The following CCDC24 variants were observed in gnomAD, a reference collection of about 807,000 sequenced individuals.
CCDC24 encodes the protein coiled-coil domain containing 24, also known as coiled-coil domain-containing protein 24.
Under a neutral mutation model 31.6 loss-of-function variants are expected in CCDC24, and 34 were observed. The ratio of observed to expected loss-of-function variants is 1.08; its 90% CI spans 0.82 to 1.43. CCDC24 has a LOEUF of 1.43. CCDC24 is among the 40% of genes most tolerant of loss of function. The pLI is 0.00. For missense variants in CCDC24, 426 were observed against 391.1 expected, an observed-to-expected ratio of 1.09 and a Z score of -0.75; for synonymous variants, 175 against 157.3, an observed-to-expected ratio of 1.11 and a Z score of -0.84.
rs777995079 is a variant in CCDC24 at position 43,991,843 on chromosome 1, G to T, written c.-32-4G>T. 13 of 1,546,614 alleles carry T rather than the reference G, an allele frequency of 8.4e-6. 1 individual carries two copies. The South Asian group carries it at 1.5e-4, about 18-fold the overall frequency. ...CCTCCCGCACTCTGACCTGCGGCCC[G>T]TAGGTCCGAGCCGGGGACGGCGGCG... On this transcript the variant is annotated splice_polypyrimidine_tract_variant and splice_region_variant and intron_variant, in intron 1 of 8. Transcript: ENST00000372318.
chr1:43,992,140 C>T (rs747783447), intron 2 of CCDC24, 72 bp from the exon 3 acceptor site: 7 of 1,526,950 alleles, frequency 4.6e-6, no homozygotes, highest in South Asian at 3.7e-5. Flanking sequence ...CGCCCTCTCC[C>T]TCACTCCCCC....
At position 43,996,153 on chromosome 1, in the gene CCDC24, CAG is replaced by C; in HGVS notation, c.918_919del (p.Ala307LeufsTer63). On this transcript the variant is annotated frameshift_variant, in exon 9 of 9. Coordinates refer to ENST00000372318, the MANE Select transcript of CCDC24 (RefSeq NM_152499.4). LOFTEE classifies it high-confidence loss of function. ...ATGTCCAGTGCAGCACCCCAAGCCC[CAG>C]CCTGAAGGGCTGGTCACCGAGTAGG... 1 of 1,583,770 alleles carries C rather than the reference CAG, an allele frequency of 6.3e-7. No homozygotes were observed. The highest frequency in any genetic ancestry group is 8.6e-7 in the Non-Finnish European group (1 of 1,163,892).
chr1:43,995,365 C>A lies in CCDC24; in HGVS notation c.552+203C>A, dbSNP rs2085821361. ...TCTAGTTGAGCCCTTAAGGCCAGGG[C>A]CAACCGTTTTAGGTCTTTTGCCTCC... On this transcript the variant is annotated intron_variant, in intron 6 of 8. Transcript: ENST00000372318. This position sits in a 1 kb window ranked among gnomAD's most constrained non-coding sequence, Gnocchi z 4.3. The A allele has an allele frequency of 1.4e-6, 1 of 718,020 alleles. No individual in the cohort carries two copies. The highest frequency in any genetic ancestry group is 1.8e-5 in the African/African-American group (1 of 56,364). 44.5% of individuals were successfully genotyped at this position (718,020 alleles called of 1,614,324 possible).
At position 43,991,734 on chromosome 1, in the gene CCDC24, C is replaced by A. The variant is rs1228705237; in HGVS notation, c.-45C>A. The A allele has an allele frequency of 2.8e-6, 3 of 1,066,320 alleles. No individual in the cohort carries two copies. Among genetic ancestry groups the A allele is most frequent in the South Asian group, 2.7e-5 (2 of 74,806 alleles). 66.1% of individuals were successfully genotyped at this position (1,066,320 alleles called of 1,614,324 possible). ...GGGCAATCCCAGCCGAGGGGACCAG[C>A]GGCAGAGCACGGGTGGGGCTTGGGA... is the stretch of plus-strand genomic sequence containing the variant. On this transcript the variant is annotated 5_prime_UTR_variant, in exon 1 of 9. Coordinates refer to ENST00000372318, the MANE Select transcript of CCDC24 (RefSeq NM_152499.4).
At chr1:43,994,806 G>T (rs1440155727) in intron 5 of CCDC24, 1 of 463,120 alleles carries the variant, frequency 2.2e-6, no homozygotes, top group African/African-American at 1.9e-5. Context: ...TTAAGCAGCG[G>T]AAGGGCTGTG....
Position 43,995,965 on chromosome 1 carries a change from G to A in CCDC24, c.729G>A (p.Gln243=), listed in dbSNP as rs779039177. 5 of 1,614,164 alleles carry A rather than the reference G, an allele frequency of 3.1e-6. 1 individual carries two copies. Among genetic ancestry groups the A allele is most frequent in the South Asian group, 1.1e-5 (1 of 91,082 alleles). The change falls in exon 9 of 9, where the codon CAG becomes CAA. Residue 243 remains glutamine (Q), a synonymous_variant. Coordinates refer to ENST00000372318, the MANE Select transcript of CCDC24 (RefSeq NM_152499.4). The surrounding 1 kb of genome is among the most constrained non-coding windows in gnomAD (Gnocchi z 4.3). ...HRQRPLGSST[Q]GLRPPLPLCG... is the part of the protein sequence containing the mutation. ...AGCGGCCCTTGGGGTCCTCCACACA[G>A]GGCCTCAGACCCCCGCTTCCCCTCT... is the stretch of plus-strand genomic sequence containing the variant.
In CCDC24 at chr1:43,992,260, C is replaced by T. The variant is rs754877230; in HGVS notation, c.175C>T (p.Pro59Ser). Reference protein sequence around the residue: ...LLQEARSSQAPSSRPISDPSS... With the variant: ...LLQEARSSQASSSRPISDPSS... ...CCAAGAGGCTCGATCCTCTCAAGCC[C>T]CCAGCTCCCGCCCCATCTCTGACCC... Residue 59 changes from proline (P) to serine (S), a missense_variant, in exon 3 of 9, where the codon CCC becomes TCC. By Grantham distance (74) the Pro-to-Ser change is moderately conservative. Transcript: ENST00000372318. The T allele has an allele frequency of 5.0e-6, 8 of 1,613,990 alleles. No homozygotes were observed. Among genetic ancestry groups the T allele is most frequent in the Non-Finnish European group, 6.8e-6 (8 of 1,180,010 alleles).
rs202176299 is a variant in CCDC24 at position 43,992,044 on chromosome 1, C to G, written c.126+40C>G. On this transcript the variant is annotated intron_variant, in intron 2 of 8. Transcript: ENST00000372318. ...GGTGGGCCACGCCCCTGGCCTGCCC[C>G]ACGACTCGGGTGATTTCCCACCTCT... 5.5e-6 allele frequency: 8 copies of G among 1,456,072 alleles called. No homozygotes were observed. In the East Asian group the frequency reaches 2.0e-4, roughly 37 times the overall value. 90.2% of individuals were successfully genotyped at this position (1,456,072 alleles called of 1,614,324 possible).
rs1256304809 is a variant in CCDC24, at chr1:43,996,081, G to T, written c.845G>T (p.Gly282Val). 6.2e-7 allele frequency: 1 copy of T among 1,614,070 alleles called. No individual in the cohort carries two copies. The highest frequency in any genetic ancestry group is 2.2e-5 in the East Asian group (1 of 44,882). ...PRGQSATHRWGRQLQCSPREG... is the reference protein window; with the variant it reads ...PRGQSATHRWVRQLQCSPREG... ...GGCCAGTCGGCTACCCACCGCTGGG[G>T]ACGGCAGCTTCAGTGCAGCCCCAGG... Residue 282 changes from glycine to valine, a missense_variant, in exon 9 of 9, where the codon GGA (glycine) becomes GTA (valine). By Grantham distance (109) the Gly-to-Val change is moderately radical (BLOSUM62 -3). Coordinates refer to ENST00000372318, the MANE Select transcript of CCDC24 (RefSeq NM_152499.4).
intron 2 of CCDC24, 34 bp from the exon 3 acceptor site, chr1:43,992,178 C>T (rs762098509): frequency 1.3e-6 from 2 of 1,589,682 alleles, no homozygotes; most frequent in South Asian, 2.3e-5. Flanking sequence ...ACACTCCCCT[C>T]CCCAGTCGCA....
At chr1:43,992,430 G>A (rs371553599) in intron 3 of CCDC24, 43 bp downstream of exon 3, 22 of 1,612,872 alleles carry the variant, frequency 1.4e-5, no homozygotes, top group Non-Finnish European at 1.9e-5. Context: ...ATACCAGGTG[G>A]GCTAGCGCTG....
chr1:43,996,120 CCACACCCATGTCCAGTGCAG>C lies in CCDC24; in HGVS notation c.888_907del (p.Met298SerfsTer66). The C allele has an allele frequency of 6.2e-7, 1 of 1,612,504 alleles. No individual in the cohort carries two copies. Among genetic ancestry groups the C allele is most frequent in the African/African-American group, 1.3e-5 (1 of 75,052 alleles). ...TGCAGCCCCAGGGAAGGGCCAGCTT[CCACACCCATGTCCAGTGCAG>C]CACCCCAAGCCCCAGCCTGAAGGGC... On this transcript the variant is annotated frameshift_variant, in exon 9 of 9. Coordinates refer to ENST00000372318, the MANE Select transcript of CCDC24 (RefSeq NM_152499.4). LOFTEE classifies it high-confidence loss of function.
Position 43,993,285 on chromosome 1 carries a change from G to GAAAA in CCDC24, c.420-595_420-592dup, listed in dbSNP as rs34298087. ...GGGAGACCCCATCTTTACAAAAAGT[G>GAAAA]AAAAAAAAAATAGTCAGGTGAGGTG... On this transcript the variant is annotated intron_variant, in intron 4 of 8. Transcript: ENST00000372318. Among the ~76,000 whole-genome samples the GAAAA allele has an allele frequency of 4.7e-5, 7 of 148,682 alleles. 1 individual carries two copies. The highest frequency in any genetic ancestry group is 3.3e-4 in the Admixed American group (5 of 15,046).
intron 5 of CCDC24, 104 bp downstream of exon 5, chr1:43,994,068 G>A: frequency 9.7e-7 from 1 of 1,033,566 alleles, no homozygotes; most frequent in Non-Finnish European, 1.5e-6. Context: ...ATACTTGGCG[G>A]GGAGGCCCAT....
intron 5 of CCDC24, chr1:43,994,168 G>A (rs115519287): frequency 0.013 from 7,319 of 563,908 alleles, 66 homozygotes; most frequent in Middle Eastern, 0.017. Flanking sequence ...TGCCACGGCC[G>A]AGCATGATGG....
chr1:43,992,598 G>A lies in CCDC24; in HGVS notation c.378G>A (p.Leu126=), dbSNP rs762660047. 1.2e-6 allele frequency: 2 copies of A among 1,614,222 alleles called. No homozygotes were observed. The highest frequency in any genetic ancestry group is 1.7e-5 in the Admixed American group (1 of 60,030). The change falls in exon 4 of 9, where the codon TTG becomes TTA. Residue 126 remains leucine (L), a synonymous_variant. Transcript: ENST00000372318. ...CCTTGGAGGAGCCCAGGTGTGATTT[G>A]CCAGAACAGGAGATATTCCAGATGA... ...HFALEEPRCD[L]PEQEIFQMRG...
At chr1:43,993,312 C>T (rs576585780) in intron 4 of CCDC24, among the ~76,000 whole-genome samples, 112 of 150,072 alleles carry the variant, frequency 7.5e-4, no homozygotes, top group Admixed American at 1.3e-3. Flanking sequence ...GGTGAGGTGG[C>T]GCATGCCTGT....
intron 2 of CCDC24, 80 bp from the exon 3 acceptor site, chr1:43,992,132 C>A: frequency 6.6e-7 from 1 of 1,517,620 alleles, no homozygotes; most frequent in Non-Finnish European, 8.9e-7. Flanking sequence ...TTTGACTCCG[C>A]CCTCTCCCTC....
rs1370154025 is a variant in CCDC24, at chr1:43,992,133, C to T, written c.127-79C>T. On this transcript the variant is annotated intron_variant, in intron 2 of 8. Coordinates refer to ENST00000372318, the MANE Select transcript of CCDC24 (RefSeq NM_152499.4). ...ATCCTGGTCTCCCCTTTGACTCCGC[C>T]CTCTCCCTCACTCCCCCAGCCCCCA... 2.6e-6 allele frequency: 4 copies of T among 1,519,530 alleles called. No individual in the cohort carries two copies. The African/African-American group carries it at 4.1e-5, about 16-fold the overall frequency. The allele number at this position is 1,519,530 out of a possible 1,614,324, so 94.1% of individuals were successfully genotyped here.
Sources: gnomAD v4.1 joint callset for allele counts (sites outside exome capture counted in the v4.1 genomes callset) on GRCh38, gnomAD v4.1.1 for gene constraint, Gnocchi (gnomAD v3.1) non-coding constraint, MANE v1.5 for transcripts, NCBI Gene and HGNC (gene_info 2026-07-23, HGNC 2026-07-21) for gene names.